Variants in C12orf54 observed in about 807,000 individuals in gnomAD.
The protein encoded by C12orf54 is chromosome 12 open reading frame 54, also known as uncharacterized protein C12orf54.
A neutral mutation model predicts 26.4 loss-of-function variants in C12orf54; 24 were observed. The ratio of observed to expected loss-of-function variants is 0.91; its 90% CI spans 0.66 to 1.28. C12orf54 has a LOEUF of 1.28. C12orf54 is among the 50% of genes most tolerant of loss of function. C12orf54 has a pLI of 0.00. For synonymous variants in C12orf54, 54 were observed against 47.0 expected, an observed-to-expected ratio of 1.15 and a Z score of -0.61; for missense variants, 154 against 150.9, an observed-to-expected ratio of 1.02 and a Z score of -0.11.
chr12:48,421,405 G>A, the C12orf54 span, among the ~76,000 whole-genome samples: 10 of 151,496 alleles, frequency 6.6e-5, no homozygotes, highest in East Asian at 1.9e-4. Context: ...ACTGCCCCCA[G>A]GATCCAGTTA....
intron 4 of C12orf54, chr12:48,488,256 C>T (rs906762298): frequency 4.1e-5 from 26 of 631,916 alleles, no homozygotes; most frequent in Non-Finnish European, 3.9e-5. Flanking sequence ...TGGCAGGCCT[C>T]GGCCTAAAGG....
At chr12:48,466,814 C>A in the C12orf54 span, among the ~76,000 whole-genome samples, 2 of 151,996 alleles carry the variant, frequency 1.3e-5, no homozygotes, top group Non-Finnish European at 2.9e-5. Context: ...ACCATATGTC[C>A]CAGCCATTCC....
At chr12:48,488,492 A>AAAAAG in intron 4 of C12orf54, 1 of 383,620 alleles carries the variant, frequency 2.6e-6, no homozygotes, top group Non-Finnish European at 4.9e-6. Context: ...AAAAAAAAAA[A>AAAAAG]AAAGAAAGAA....
At chr12:48,479,537 A>T (rs1397213178), upstream of C12orf54, among the ~76,000 whole-genome samples, 3 of 151,922 alleles carry the variant, frequency 2.0e-5, no homozygotes, top group Non-Finnish European at 2.9e-5. Flanking sequence ...ATATATATTT[A>T]AAAAAGAACA....
the C12orf54 span, among the ~76,000 whole-genome samples, chr12:48,448,808 C>G: frequency 1.3e-5 from 2 of 152,274 alleles, no homozygotes; most frequent in East Asian, 1.9e-4. Flanking sequence ...TTATTCTGAA[C>G]CAAATATAAG....
chr12:48,484,740 C>T (rs1018096062), intron 2 of C12orf54, among the ~76,000 whole-genome samples: 2 of 152,154 alleles, frequency 1.3e-5, no homozygotes, highest in Admixed American at 6.5e-5. Flanking sequence ...CTGAAATGTT[C>T]CCAGCACAAA....
the C12orf54 span, among the ~76,000 whole-genome samples, chr12:48,437,687 T>C: frequency 6.6e-6 from 1 of 152,170 alleles, no homozygotes; most frequent in Non-Finnish European, 1.5e-5. Context: ...AAAAGGCCTT[T>C]GACAAAATTC....
At chr12:48,475,580 C>T in the C12orf54 span, among the ~76,000 whole-genome samples, 105 of 152,208 alleles carry the variant, frequency 6.9e-4, no homozygotes, top group African/African-American at 1.9e-3. Context: ...AACCATGGCA[C>T]GAGAGCTACA....
rs753062253 is a variant in C12orf54, at chr12:48,494,855, C to G, written c.300C>G (p.Ser100Arg). ...CAAAGTTGAGAAGATTGCAGTTCAG[C>G]TCTGGAGAGCAGCCATCAGGAGGCC... Reference protein sequence around the residue: ...MTPKLRRLQFSSGEQPSGGRI... With the variant: ...MTPKLRRLQFRSGEQPSGGRI... The change falls in exon 8 of 9, where the codon AGC becomes AGG. Residue 100 changes from serine (S) to arginine (R), a missense_variant. By Grantham distance (110) the Ser-to-Arg change is moderately radical (BLOSUM62 -1). Coordinates refer to ENST00000548364, the MANE Select transcript of C12orf54 (RefSeq NM_152319.4). 114 of 1,613,454 alleles carry G rather than the reference C, an allele frequency of 7.1e-5. No homozygotes were observed. The highest frequency in any genetic ancestry group is 9.3e-5 in the Non-Finnish European group (110 of 1,179,478).
At chr12:48,475,006 C>A in the C12orf54 span, among the ~76,000 whole-genome samples, 1 of 152,210 alleles carries the variant, frequency 6.6e-6, no homozygotes, top group African/African-American at 2.4e-5. Context: ...CCAGTAGGGG[C>A]AGACTGACAC....
the C12orf54 span, among the ~76,000 whole-genome samples, chr12:48,457,306 T>G: frequency 6.6e-6 from 1 of 151,550 alleles, no homozygotes; most frequent in South Asian, 2.1e-4. Flanking sequence ...GTGGTGGTGG[T>G]GGTGGTTTTT....
the C12orf54 span, among the ~76,000 whole-genome samples, chr12:48,462,883 A>G: frequency 6.6e-6 from 1 of 152,024 alleles, no homozygotes; most frequent in Non-Finnish European, 1.5e-5. Flanking sequence ...ATTGTACTAT[A>G]GATTCTAACC....
At chr12:48,436,653 CTA>C in the C12orf54 span, among the ~76,000 whole-genome samples, 2 of 152,184 alleles carry the variant, frequency 1.3e-5, no homozygotes, top group East Asian at 3.8e-4. Flanking sequence ...TCCTGAATGA[CTA>C]TGGGGTACAT....
At chr12:48,457,549 G>C in the C12orf54 span, among the ~76,000 whole-genome samples, 1 of 152,166 alleles carries the variant, frequency 6.6e-6, no homozygotes, top group East Asian at 1.9e-4. Context: ...GGTCAGGCTG[G>C]TCTCGAACTC....
chr12:48,459,721 C>T, the C12orf54 span, among the ~76,000 whole-genome samples: 26 of 152,236 alleles, frequency 1.7e-4, no homozygotes, highest in Admixed American at 2.6e-4. Context: ...CAAATCAAAA[C>T]GAACAAAGGG....
chr12:48,494,807 G>C lies in C12orf54; in HGVS notation c.252G>C (p.Arg84Ser). ...CTCTATTTTGGCACAGAAGCATAAG[G>C]CCTCCAGATTCCTTGATGACCCCAA... is the stretch of plus-strand genomic sequence containing the variant. ...MTSAPRTGSI[R>S]PPDSLMTPKL... Residue 84 changes from arginine (R) to serine (S), a missense_variant, in exon 8 of 9, where the codon AGG (arginine) becomes AGC (serine). By Grantham distance (110) the Arg-to-Ser change is moderately radical. Coordinates refer to ENST00000548364, the MANE Select transcript of C12orf54 (RefSeq NM_152319.4). 1 of 1,613,786 alleles carries C rather than the reference G, an allele frequency of 6.2e-7. No homozygotes were observed. Among genetic ancestry groups the C allele is most frequent in the Non-Finnish European group, 8.5e-7 (1 of 1,179,738 alleles).
chr12:48,487,866 A>C (rs1171019478), intron 4 of C12orf54: 3 of 547,376 alleles, frequency 5.5e-6, no homozygotes, highest in Non-Finnish European at 9.8e-6. Context: ...GGATCCATTC[A>C]TGGCTGGGTA....
At chr12:48,437,272 T>A in the C12orf54 span, among the ~76,000 whole-genome samples, 1 of 151,828 alleles carries the variant, frequency 6.6e-6, no homozygotes, top group Admixed American at 6.6e-5. Flanking sequence ...GCTTACCAAC[T>A]AAAAAAAGTC....
the C12orf54 span, among the ~76,000 whole-genome samples, chr12:48,457,814 G>T: frequency 1.3e-5 from 2 of 152,180 alleles, 1 homozygote. Context: ...TCCTGCGGGA[G>T]AAGCAGCTAT....
Sources: allele counts gnomAD v4.1 joint callset (sites outside exome capture counted in the v4.1 genomes callset), GRCh38; gene constraint gnomAD v4.1.1; transcripts MANE v1.5; gene names NCBI Gene and HGNC (gene_info 2026-07-23, HGNC 2026-07-21).